JAZF1: variants seen among roughly 807,000 people sequenced by gnomAD.
JAZF1 encodes the protein JAZF zinc finger 1.
Under a neutral mutation model 26.4 loss-of-function variants are expected in JAZF1, and 8 were observed. That is an observed-to-expected ratio of 0.30 (90% confidence interval 0.18 to 0.55). The LOEUF is 0.55. JAZF1 is among the 20% of genes least tolerant of loss of function. JAZF1 has a pLI of 0.94. For synonymous variants in JAZF1, 126 were observed against 122.3 expected (o/e 1.03, Z -0.20); for missense variants, 199 against 322.0 (o/e 0.62, Z 2.92).
chr7:27,892,547 G>A (rs888008113), intron 3 of JAZF1, among the ~76,000 whole-genome samples: 3 of 152,122 alleles, frequency 2.0e-5, no homozygotes, highest in Non-Finnish European at 2.9e-5. Flanking sequence ...ATTACTTCAG[G>A]TATAAAACAC....
chr7:28,143,098 T>C (rs947332656), intron 1 of JAZF1, among the ~76,000 whole-genome samples: 6 of 152,274 alleles, frequency 3.9e-5, no homozygotes, highest in African/African-American at 1.4e-4. Flanking sequence ...TAAGCCTAGG[T>C]CCAACCCTCT....
At chr7:27,979,366 ATTTTTTTTTTTTTTTTTTTT>A (rs55737757) in intron 2 of JAZF1, among the ~76,000 whole-genome samples, 53 of 58,436 alleles carry the variant, frequency 9.1e-4, no homozygotes, top group South Asian at 2.1e-3. Flanking sequence ...GGTACACTAC[ATTTTTTTTTTTTTTTTTTTT>A]TTTTTTTTTT....
At chr7:28,071,633 T>C (rs1399497244) in intron 1 of JAZF1, 4 of 471,696 alleles carry the variant, frequency 8.5e-6, no homozygotes, top group African/African-American at 2.0e-5. Flanking sequence ...GCCACCCACA[T>C]ACAGACCCAA....
At chr7:28,154,844 C>T (rs534260233) in intron 1 of JAZF1, among the ~76,000 whole-genome samples, 1 of 150,506 alleles carries the variant, frequency 6.6e-6, no homozygotes, top group Non-Finnish European at 1.5e-5. Flanking sequence ...AAAAAGGGGG[C>T]TCTCAATGAT....
chr7:27,953,580 C>T (rs1226953221), intron 2 of JAZF1, among the ~76,000 whole-genome samples: 1 of 152,150 alleles, frequency 6.6e-6, no homozygotes, highest in East Asian at 1.9e-4. Context: ...TCAGAATCCA[C>T]CTACTCAGAA....
chr7:28,003,608 G>A (rs1157628557), intron 1 of JAZF1, among the ~76,000 whole-genome samples: 1 of 152,142 alleles, frequency 6.6e-6, no homozygotes, highest in Non-Finnish European at 1.5e-5. Context: ...TACAAACACT[G>A]ACATAGGAGT....
chr7:28,042,360 A>C (rs1157006529), intron 1 of JAZF1, among the ~76,000 whole-genome samples: 4 of 152,196 alleles, frequency 2.6e-5, no homozygotes, highest in Non-Finnish European at 5.9e-5. Context: ...GGAGAAGCAC[A>C]GAAGAATTCT....
chr7:27,881,603 TG>T (rs1454377866), intron 3 of JAZF1, among the ~76,000 whole-genome samples: 2 of 152,104 alleles, frequency 1.3e-5, no homozygotes, highest in East Asian at 3.9e-4. Context: ...TTTAAAAGGG[TG>T]GGGGCCTGCT....
intron 1 of JAZF1, among the ~76,000 whole-genome samples, chr7:28,035,155 A>T (rs1007753185): frequency 6.6e-6 from 1 of 151,654 alleles, no homozygotes; most frequent in Non-Finnish European, 1.5e-5. Context: ...CATCTCTACT[A>T]AAAATACGAA....
At chr7:27,889,300 G>C (rs186845459) in intron 3 of JAZF1, among the ~76,000 whole-genome samples, 1 of 152,070 alleles carries the variant, frequency 6.6e-6, no homozygotes, top group Non-Finnish European at 1.5e-5. Flanking sequence ...GGGAAATATG[G>C]GGGGAGGGGG....
At chr7:28,007,080 G>A (rs930486214) in intron 1 of JAZF1, among the ~76,000 whole-genome samples, 1 of 152,128 alleles carries the variant, frequency 6.6e-6, no homozygotes, top group African/African-American at 2.4e-5. Flanking sequence ...TACTGCAATG[G>A]GATGTCAACA....
At chr7:28,081,320 T>C (rs1021371998) in intron 1 of JAZF1, among the ~76,000 whole-genome samples, 1 of 151,936 alleles carries the variant, frequency 6.6e-6, no homozygotes. Context: ...GATGACCAGC[T>C]CGGAGGAACC....
chr7:28,096,565 T>C (rs1269747187), intron 1 of JAZF1, among the ~76,000 whole-genome samples: 2 of 152,234 alleles, frequency 1.3e-5, no homozygotes, highest in South Asian at 2.1e-4. Flanking sequence ...TAATCATTCA[T>C]GCATGTTGAT....
At chr7:27,834,672 C>T (rs966084605) in intron 4 of JAZF1, among the ~76,000 whole-genome samples, 1 of 152,322 alleles carries the variant, frequency 6.6e-6, no homozygotes, top group Non-Finnish European at 1.5e-5. Flanking sequence ...TATGCCCTGC[C>T]AGTCCCTGGC....
chr7:27,833,042 C>T, intron 4 of JAZF1, 66 bp from the exon 5 acceptor site: 1 of 1,343,302 alleles, frequency 7.4e-7, no homozygotes, highest in Non-Finnish European at 1.0e-6. Context: ...TCGGAAACCT[C>T]AATTTGGGTC....
chr7:28,167,323 A>T (rs990545172), intron 1 of JAZF1, among the ~76,000 whole-genome samples: 2 of 152,228 alleles, frequency 1.3e-5, no homozygotes, highest in Non-Finnish European at 2.9e-5. Flanking sequence ...TTCACCAGCT[A>T]GCACACTGAA....
intron 1 of JAZF1, among the ~76,000 whole-genome samples, chr7:28,124,637 A>C (rs1782668082): frequency 1.3e-5 from 2 of 152,204 alleles, no homozygotes; most frequent in Admixed American, 6.5e-5. Flanking sequence ...CAAAAGACCA[A>C]AGTGGAGTAT....
At chr7:27,900,548 C>CT (rs1784147473) in intron 2 of JAZF1, among the ~76,000 whole-genome samples, 1 of 152,120 alleles carries the variant, frequency 6.6e-6, no homozygotes, top group Non-Finnish European at 1.5e-5. Context: ...CAAATTGAGA[C>CT]TTTTTTCCTC....
chr7:27,984,694 T>C (rs1230453055), intron 2 of JAZF1, among the ~76,000 whole-genome samples: 2 of 152,184 alleles, frequency 1.3e-5, no homozygotes, highest in African/African-American at 2.4e-5. Context: ...ATTGACCACA[T>C]AGTTGGAAGT....
Sources: gnomAD v4.1 joint callset for allele counts (sites outside exome capture counted in the v4.1 genomes callset) on GRCh38, gnomAD v4.1.1 for gene constraint, MANE v1.5 for transcripts, NCBI Gene and HGNC (gene_info 2026-07-23, HGNC 2026-07-21) for gene names.